The following ADAMTS18 variants were observed in gnomAD, a reference collection of about 807,000 sequenced individuals.
ADAMTS18 encodes A disintegrin and metalloproteinase with thrombospondin motifs 18.
A neutral mutation model predicts 165.9 loss-of-function variants in ADAMTS18; 157 were observed. That is an observed-to-expected ratio of 0.95 (90% CI 0.83 to 1.08). The LOEUF is 1.08. Ranked by LOEUF, ADAMTS18 falls within the 50% of genes least tolerant of loss-of-function variation. The pLI is 0.00. For synonymous variants in ADAMTS18, 782 were observed against 578.2 expected, an observed-to-expected ratio of 1.35 and a Z score of -5.06; for missense variants, 2,040 against 1,534.0, an observed-to-expected ratio of 1.33 and a Z score of -5.51.
In ADAMTS18 at chr16:77,332,416, A is replaced by C. The variant is rs1307995963; in HGVS notation, c.1859+3340T>G. On this transcript the variant is annotated intron_variant, in intron 12 of 22. Transcript: ENST00000282849. The stretch of plus-strand genomic sequence containing the variant: ...ATGATGAAAACCACACAGATCCCAG[A>C]ACCTTTTGGTGAATGCCCACTGAAT... 3.3e-5 allele frequency among the ~76,000 whole-genome samples: 5 copies of C among 152,144 alleles called. No individual in the cohort carries two copies. The East Asian group carries it at 7.7e-4, about 23-fold the overall frequency.
chr16:77,303,509 T>C (rs942617699), intron 16 of ADAMTS18, among the ~76,000 whole-genome samples: 1 of 152,224 alleles, frequency 6.6e-6, no homozygotes. Context: ...TCATATTTAA[T>C]AGATCAGAAA....
At chr16:77,320,907 C>T (rs373245677) in intron 15 of ADAMTS18, among the ~76,000 whole-genome samples, 172 bp downstream of exon 15, 21 of 152,254 alleles carry the variant, frequency 1.4e-4, no homozygotes, top group Non-Finnish European at 2.2e-4. Flanking sequence ...GGTAATGTAT[C>T]GACGAAATTC....
intron 13 of ADAMTS18, among the ~76,000 whole-genome samples, chr16:77,324,034 C>T (rs142850945): frequency 4.6e-5 from 7 of 152,306 alleles, no homozygotes; most frequent in East Asian, 1.9e-4. Context: ...TTAACTTTCT[C>T]CTTATATCTT....
intron 16 of ADAMTS18, among the ~76,000 whole-genome samples, chr16:77,317,459 G>C (rs771457076): frequency 2.6e-5 from 4 of 151,970 alleles, no homozygotes; most frequent in Admixed American, 1.3e-4. Context: ...TCAGCCTCCC[G>C]ACTAGCTGGG....
intron 3 of ADAMTS18, among the ~76,000 whole-genome samples, chr16:77,405,899 C>T (rs1384538082): frequency 1.3e-5 from 2 of 152,114 alleles, no homozygotes; most frequent in Admixed American, 1.3e-4. Flanking sequence ...ACAGATCCTA[C>T]TTCCAAATAT....
At chr16:77,422,635 G>T (rs1238123240) in intron 3 of ADAMTS18, among the ~76,000 whole-genome samples, 1 of 150,970 alleles carries the variant, frequency 6.6e-6, no homozygotes, top group Non-Finnish European at 1.5e-5. Flanking sequence ...AAGAAGGGAA[G>T]AAAGGAAAGA....
At chr16:77,362,414 T>C (rs2056729384) in intron 6 of ADAMTS18, 150 bp from the exon 7 acceptor site, 2 of 763,470 alleles carry the variant, frequency 2.6e-6, no homozygotes, top group Admixed American at 2.4e-5. Flanking sequence ...GGAAAATCTC[T>C]ATTTTAGGTA....
intron 3 of ADAMTS18, among the ~76,000 whole-genome samples, chr16:77,410,360 T>A (rs11862698): frequency 0.048 from 7,233 of 152,186 alleles, 386 homozygotes; most frequent in African/African-American, 0.13. Context: ...TCATCTTTTT[T>A]AAAAAATTTC....
chr16:77,375,360 TGAAA>T (rs1490727711), intron 3 of ADAMTS18, among the ~76,000 whole-genome samples: 1 of 151,862 alleles, frequency 6.6e-6, no homozygotes, highest in African/African-American at 2.4e-5. Context: ...CCGGCCTGGG[TGAAA>T]GAGAGAGAGT....
intron 3 of ADAMTS18, among the ~76,000 whole-genome samples, chr16:77,377,161 A>T (rs1349409218): frequency 6.6e-6 from 1 of 152,218 alleles, no homozygotes; most frequent in East Asian, 1.9e-4. Context: ...GGTATAAATC[A>T]CACTTTATGA....
At chr16:77,404,447 A>T (rs1033094184) in intron 3 of ADAMTS18, among the ~76,000 whole-genome samples, 1 of 152,158 alleles carries the variant, frequency 6.6e-6, no homozygotes, top group Non-Finnish European at 1.5e-5. Flanking sequence ...GTTCTTCTCT[A>T]TAAGTCTGCA....
At chr16:77,348,728 A>T (rs910381216) in intron 10 of ADAMTS18, among the ~76,000 whole-genome samples, 3 of 152,204 alleles carry the variant, frequency 2.0e-5, no homozygotes, top group African/African-American at 7.2e-5. Context: ...CTCTCTACCA[A>T]TAGAGGCAAG....
chr16:77,423,278 T>C (rs929712332), intron 3 of ADAMTS18, among the ~76,000 whole-genome samples: 1 of 152,198 alleles, frequency 6.6e-6, no homozygotes, highest in Admixed American at 6.5e-5. Flanking sequence ...ATATTAACTG[T>C]TATGTTTTTA....
chr16:77,294,637 C>G (rs1288998647), intron 19 of ADAMTS18, among the ~76,000 whole-genome samples: 1 of 152,214 alleles, frequency 6.6e-6, no homozygotes, highest in Non-Finnish European at 1.5e-5. Context: ...AGTAGCCAGT[C>G]TTCTGATACT....
At chr16:77,370,911 AAG>A (rs2056867167) in intron 3 of ADAMTS18, among the ~76,000 whole-genome samples, 1 of 152,184 alleles carries the variant, frequency 6.6e-6, no homozygotes, top group Admixed American at 6.5e-5. Flanking sequence ...GCAAATAAAT[AAG>A]AAGATATTCT....
chr16:77,405,101 G>A (rs577444630), intron 3 of ADAMTS18, among the ~76,000 whole-genome samples: 2 of 152,296 alleles, frequency 1.3e-5, no homozygotes, highest in South Asian at 4.1e-4. Flanking sequence ...TTAAAATCCA[G>A]ACAAAGGGAG....
At chr16:77,338,338 T>C (rs75828090) in intron 11 of ADAMTS18, among the ~76,000 whole-genome samples, 7,982 of 152,118 alleles carry the variant, frequency 0.052, 459 homozygotes, top group African/African-American at 0.14. Context: ...CGGATTTAAG[T>C]AATTCTTGGG....
intron 16 of ADAMTS18, among the ~76,000 whole-genome samples, chr16:77,308,307 C>T (rs2055717916): frequency 6.6e-6 from 1 of 152,150 alleles, no homozygotes; most frequent in African/African-American, 2.4e-5. Context: ...CTTTGTTTAT[C>T]AGACAGGGAT....
chr16:77,352,235 T>A (rs2056566589), intron 10 of ADAMTS18, among the ~76,000 whole-genome samples: 1 of 152,198 alleles, frequency 6.6e-6, no homozygotes, highest in Admixed American at 6.5e-5. Context: ...GAGTTATGTT[T>A]TGAATGTGAA....
Sources: gnomAD v4.1 joint callset for allele counts (sites outside exome capture counted in the v4.1 genomes callset) on GRCh38, gnomAD v4.1.1 for gene constraint, MANE v1.5 for transcripts, NCBI Gene and HGNC (gene_info 2026-07-23, HGNC 2026-07-21) for gene names.